SYT1: variants seen among roughly 807,000 people sequenced by gnomAD.
SYT1 encodes synaptotagmin 1, also known as synaptotagmin-1.
In SYT1, 8 loss-of-function variants were observed where a neutral mutation model predicts 44.8. The observed-to-expected ratio is 0.18, with a 90% CI of 0.10 to 0.32. SYT1 has a LOEUF of 0.32. Ranked by LOEUF, SYT1 falls within the 10% of genes least tolerant of loss-of-function variation. SYT1 has a pLI of 1.00. For missense variants in SYT1, 286 were observed against 509.3 expected (o/e 0.56, Z 4.22); for synonymous variants, 154 against 188.8 (o/e 0.82, Z 1.51).
intron 2 of SYT1, among the ~76,000 whole-genome samples, chr12:78,997,032 A>T (rs60568630): frequency 0.014 from 2,095 of 152,332 alleles, 56 homozygotes; most frequent in African/African-American, 0.048. Flanking sequence ...TCAAAAGCAA[A>T]TACAGGGAGG....
rs41283116 is a variant in SYT1, at chr12:79,286,053, A to C, written c.351+82A>C. Reference sequence around the variant, plus strand: ...ATTATTTTATGCCATATAATTACAGAAATAAACAACTTCTGGACCCATATC... The same window carrying C: ...ATTATTTTATGCCATATAATTACAGCAATAAACAACTTCTGGACCCATATC... On this transcript the variant is annotated intron_variant, in intron 5 of 10. Coordinates refer to ENST00000261205, the MANE Select transcript of SYT1 (RefSeq NM_005639.3). The C allele has an allele frequency of 8.0e-3, 11,602 of 1,451,850 alleles. 72 individuals carry two copies. Among genetic ancestry groups the C allele is most frequent in the Middle Eastern group, 0.02 (81 of 3,968 alleles). 89.9% of individuals were successfully genotyped at this position (1,451,850 alleles called of 1,614,324 possible).
intron 3 of SYT1, among the ~76,000 whole-genome samples, chr12:79,057,209 T>C (rs986014026): frequency 6.6e-6 from 1 of 152,070 alleles, no homozygotes; most frequent in East Asian, 1.9e-4. Context: ...ATATGCTCCA[T>C]TGTACATTTG....
intron 3 of SYT1, among the ~76,000 whole-genome samples, chr12:79,216,327 C>G (rs1236597247): frequency 2.0e-5 from 3 of 152,164 alleles, no homozygotes; most frequent in Non-Finnish European, 2.9e-5. Flanking sequence ...CTGTTAAGAA[C>G]GTGAAGTGAA....
intron 3 of SYT1, among the ~76,000 whole-genome samples, chr12:79,180,618 G>A (rs949210130): frequency 6.6e-5 from 10 of 151,960 alleles, no homozygotes; most frequent in East Asian, 1.9e-4. Flanking sequence ...AGGAGCAGGC[G>A]TCTCACATGG....
chr12:79,235,204 T>A, intron 4 of SYT1, among the ~76,000 whole-genome samples: 1 of 152,244 alleles, frequency 6.6e-6, no homozygotes, highest in East Asian at 1.9e-4. Flanking sequence ...GGTTTTATTA[T>A]TTATATCTCC....
chr12:79,212,389 T>C (rs1874511747), intron 3 of SYT1, among the ~76,000 whole-genome samples: 1 of 151,810 alleles, frequency 6.6e-6, no homozygotes, highest in Admixed American at 6.6e-5. Flanking sequence ...AGGGAGAGCA[T>C]TAGGACAAAT....
At chr12:79,015,552 G>GA (rs1871753023) in intron 2 of SYT1, among the ~76,000 whole-genome samples, 1 of 152,054 alleles carries the variant, frequency 6.6e-6, no homozygotes, top group African/African-American at 2.4e-5. Context: ...TAAATAGCCA[G>GA]AAAAATAAAA....
intron 9 of SYT1, among the ~76,000 whole-genome samples, chr12:79,357,671 T>G (rs1883164214): frequency 6.6e-6 from 1 of 152,204 alleles, no homozygotes; most frequent in African/African-American, 2.4e-5. Flanking sequence ...ACTGTATTTG[T>G]ATTGAGATCT....
intron 3 of SYT1, among the ~76,000 whole-genome samples, chr12:79,056,550 A>T (rs1874958934): frequency 6.6e-6 from 1 of 152,028 alleles, no homozygotes; most frequent in African/African-American, 2.4e-5. Context: ...TTATCATGAA[A>T]TTATTTTCTT....
At chr12:79,202,264 G>C (rs1873835978) in intron 3 of SYT1, among the ~76,000 whole-genome samples, 1 of 152,146 alleles carries the variant, frequency 6.6e-6, no homozygotes, top group South Asian at 2.1e-4. Flanking sequence ...AAAAGTTAAA[G>C]AGCCAGAGAT....
At chr12:79,403,755 ATCAG>A (rs1335623718) in intron 9 of SYT1, among the ~76,000 whole-genome samples, 3 of 152,142 alleles carry the variant, frequency 2.0e-5, no homozygotes, top group Non-Finnish European at 2.9e-5. Flanking sequence ...GCCCAGAAGT[ATCAG>A]TATCATGTGA....
chr12:78,894,847 A>G (rs1875268611), intron 1 of SYT1, among the ~76,000 whole-genome samples: 1 of 150,746 alleles, frequency 6.6e-6, no homozygotes, highest in African/African-American at 2.4e-5. Context: ...CCTATTGTAC[A>G]TCATGATGAC....
chr12:79,329,976 T>C (rs1881783667), intron 8 of SYT1, among the ~76,000 whole-genome samples: 1 of 152,230 alleles, frequency 6.6e-6, no homozygotes, highest in African/African-American at 2.4e-5. Context: ...ACCTATTTTA[T>C]CGTATTTGAC....
rs1176211439 is a variant in SYT1 at position 79,088,768 on chromosome 12, GTGTGTGTGTGTA to G, written c.-18+41418_-18+41429del. Among the ~76,000 whole-genome samples, 10 of 151,082 alleles carry G rather than the reference GTGTGTGTGTGTA, an allele frequency of 6.6e-5. No homozygotes were observed. In the East Asian group the frequency reaches 7.9e-4, roughly 12 times the overall value. On this transcript the variant is annotated intron_variant, in intron 3 of 10. Coordinates refer to ENST00000261205, the MANE Select transcript of SYT1 (RefSeq NM_005639.3). Reference sequence around the variant, plus strand: ...TGTGTGTGTGTGTGTGTGTGTGTGTGTGTGTGTGTGTATGTGTGTGTGTGTGAGGGGGCAGAG... The same window carrying G: ...TGTGTGTGTGTGTGTGTGTGTGTGTGTGTGTGTGTGTGTGAGGGGGCAGAG...
intron 4 of SYT1, among the ~76,000 whole-genome samples, chr12:79,226,386 T>A (rs2138598250): frequency 6.6e-6 from 1 of 152,334 alleles, no homozygotes; most frequent in Admixed American, 6.5e-5. Flanking sequence ...TCCTTTCTTT[T>A]GCTTCTCTTG....
At chr12:79,445,671 C>A (rs1870668910) in intron 10 of SYT1, among the ~76,000 whole-genome samples, 1 of 151,400 alleles carries the variant, frequency 6.6e-6, no homozygotes, top group South Asian at 2.1e-4. Flanking sequence ...TGTATATGTA[C>A]CACATTTTAT....
intron 8 of SYT1, among the ~76,000 whole-genome samples, chr12:79,333,799 G>T (rs1395799658): frequency 6.6e-6 from 1 of 152,134 alleles, no homozygotes; most frequent in East Asian, 1.9e-4. Flanking sequence ...ATAAAAGATA[G>T]TTACATTATT....
intron 1 of SYT1, among the ~76,000 whole-genome samples, chr12:78,897,545 C>T (rs1047864386): frequency 1.3e-5 from 2 of 151,980 alleles, no homozygotes; most frequent in African/African-American, 4.8e-5. Context: ...AGACTTTATC[C>T]TGATCCTTTA....
intron 3 of SYT1, among the ~76,000 whole-genome samples, chr12:79,198,793 C>A (rs1592845488): frequency 2.0e-5 from 3 of 152,222 alleles, no homozygotes; most frequent in Admixed American, 2.0e-4. Context: ...TGCTATAAAG[C>A]TTTTCTTTCC....
Sources: allele counts gnomAD v4.1 joint callset (sites outside exome capture counted in the v4.1 genomes callset), GRCh38; gene constraint gnomAD v4.1.1; transcripts MANE v1.5; gene names NCBI Gene and HGNC (gene_info 2026-07-23, HGNC 2026-07-21).